Variants in BPIFB4 observed in about 807,000 individuals in gnomAD.
BPIFB4 encodes BPI fold containing family B member 4.
In BPIFB4, 62 loss-of-function variants were observed where a neutral mutation model predicts 69.2. The ratio of observed to expected loss-of-function variants is 0.90; its 90% CI spans 0.73 to 1.11. BPIFB4 has a LOEUF of 1.11. Ranked by LOEUF, BPIFB4 falls within the 50% of genes least tolerant of loss-of-function variation. The pLI, the probability that BPIFB4 is intolerant of heterozygous loss-of-function variation, is 0.00. For missense variants in BPIFB4, 789 were observed against 792.0 expected, an observed-to-expected ratio of 1.00 and a Z score of 0.04; for synonymous variants, 330 against 332.7, an observed-to-expected ratio of 0.99 and a Z score of 0.09.
intron 17 of BPIFB4, among the ~76,000 whole-genome samples, chr20:33,109,172 G>T (rs1033053933): frequency 6.6e-6 from 1 of 152,132 alleles, no homozygotes; most frequent in African/African-American, 2.4e-5. Flanking sequence ...AACGATAATG[G>T]CCACCTCATA....
chr20:33,106,678 C>T (rs11696783), intron 16 of BPIFB4, among the ~76,000 whole-genome samples: 33,702 of 151,982 alleles, frequency 0.22, 3,976 homozygotes, highest in Non-Finnish European at 0.28. Flanking sequence ...ATGTGGTGGG[C>T]GTGACAGATA....
intron 10 of BPIFB4, among the ~76,000 whole-genome samples, chr20:33,091,198 T>C (rs1981589351): frequency 6.6e-6 from 1 of 152,174 alleles, no homozygotes; most frequent in African/African-American, 2.4e-5. Flanking sequence ...TGCTGTGGGA[T>C]TGGGTGTACT....
In BPIFB4 at chr20:33,092,724, T is replaced by C. The variant is rs1446903276; in HGVS notation, c.1344+66T>C. Reference sequence around the variant, plus strand: ...GACAGCTGCCAGTGACCCTTCTCAGTCTCCACAGACTTGGGGAATTTGCTG... The same window carrying C: ...GACAGCTGCCAGTGACCCTTCTCAGCCTCCACAGACTTGGGGAATTTGCTG... On this transcript the variant is annotated intron_variant, in intron 11 of 17. Transcript: ENST00000375483. 3 of 1,455,688 alleles carry C rather than the reference T, an allele frequency of 2.1e-6. No individual in the cohort carries two copies. In the Admixed American group the frequency reaches 5.1e-5, roughly 25 times the overall value. 90.2% of individuals were successfully genotyped at this position (1,455,688 alleles called of 1,614,324 possible).
At chr20:33,084,839 A>C in intron 5 of BPIFB4, 53 bp from the exon 6 acceptor site, 1 of 1,581,906 alleles carries the variant, frequency 6.3e-7, no homozygotes. Flanking sequence ...CGCTCGGGTG[A>C]GTGGGTGGTA....
intron 3 of BPIFB4, 77 bp from the exon 4 acceptor site, chr20:33,082,861 C>T: frequency 7.0e-7 from 1 of 1,422,368 alleles, no homozygotes; most frequent in South Asian, 1.1e-5. Flanking sequence ...AGCTGAGCAA[C>T]ACTGCGAGGT....
intron 5 of BPIFB4, 50 bp downstream of exon 5, chr20:33,083,924 G>A (rs920423997): frequency 6.5e-7 from 1 of 1,532,456 alleles, no homozygotes; most frequent in East Asian, 2.3e-5. Context: ...ACCTCCAAAT[G>A]GGGGTGATCA....
intron 17 of BPIFB4, among the ~76,000 whole-genome samples, chr20:33,108,351 C>A (rs1235887686): frequency 1.3e-5 from 2 of 148,882 alleles, no homozygotes; most frequent in Non-Finnish European, 3.0e-5. Context: ...ATAAAAACCA[C>A]CCGTGCTCAA....
Position 33,092,548 on chromosome 20 carries a change from A to C in BPIFB4, c.1234A>C (p.Met412Leu). 1 of 1,614,112 alleles carries C rather than the reference A, an allele frequency of 6.2e-7. No homozygotes were observed. Among genetic ancestry groups the C allele is most frequent in the Non-Finnish European group, 8.5e-7 (1 of 1,179,994 alleles). The change falls in exon 11 of 18, where the codon ATG (methionine) becomes CTG (leucine). Residue 412 changes from methionine (M) to leucine (L), a missense_variant. Met to Leu is a conservative substitution (Grantham distance 15). Transcript: ENST00000375483. ...SPKPMPELPP[M>L]GDNTKSQLAM... Reference sequence around the variant, plus strand: ...CAAGCCGATGCCAGAGCTGCCTCCCATGGGTGACAACACCAAGTCCCAGCT... The same window carrying C: ...CAAGCCGATGCCAGAGCTGCCTCCCCTGGGTGACAACACCAAGTCCCAGCT...
chr20:33,111,255 G>C (rs1490152647), intron 17 of BPIFB4, among the ~76,000 whole-genome samples, 159 bp from the exon 18 acceptor site: 4 of 152,134 alleles, frequency 2.6e-5, no homozygotes, highest in African/African-American at 9.7e-5. Flanking sequence ...ATAATGACCT[G>C]GCCAGGTGCT....
chr20:33,082,084 G>A (rs1463197342), intron 3 of BPIFB4, among the ~76,000 whole-genome samples: 1 of 152,114 alleles, frequency 6.6e-6, no homozygotes, highest in East Asian at 1.9e-4. Flanking sequence ...CTCAAAAGTG[G>A]GAGCTATAAT....
chr20:33,081,123 A>AATGAGTAG (rs1202170969), intron 2 of BPIFB4, among the ~76,000 whole-genome samples: 2 of 152,184 alleles, frequency 1.3e-5, no homozygotes, highest in African/African-American at 4.8e-5. Context: ...GATGTAGAGG[A>AATGAGTAG]ATGAGTAGAT....
At chr20:33,084,859 G>A in intron 5 of BPIFB4, 33 bp from the exon 6 acceptor site, 5 of 1,596,278 alleles carry the variant, frequency 3.1e-6, no homozygotes, top group Non-Finnish European at 4.2e-6. Context: ...AGTTGGGGTG[G>A]CCGGCCTTCT....
intron 11 of BPIFB4, among the ~76,000 whole-genome samples, chr20:33,094,189 A>G (rs983653621): frequency 6.6e-6 from 1 of 152,184 alleles, no homozygotes; most frequent in African/African-American, 2.4e-5. Flanking sequence ...TTTTAAACTA[A>G]GAGAGAACAG....
At chr20:33,085,674 T>C (rs1981402077) in intron 6 of BPIFB4, among the ~76,000 whole-genome samples, 1 of 152,196 alleles carries the variant, frequency 6.6e-6, no homozygotes, top group Non-Finnish European at 1.5e-5. Flanking sequence ...GAATAGGGCC[T>C]TCCATGCACT....
At chr20:33,084,225 A>G (rs990608088) in intron 5 of BPIFB4, among the ~76,000 whole-genome samples, 1 of 152,234 alleles carries the variant, frequency 6.6e-6, no homozygotes, top group Non-Finnish European at 1.5e-5. Context: ...CATAAGTTCT[A>G]TGCTCAGCCT....
At chr20:33,105,137 T>A (rs150530948) in intron 16 of BPIFB4, among the ~76,000 whole-genome samples, 1 of 152,178 alleles carries the variant, frequency 6.6e-6, no homozygotes, top group Admixed American at 6.5e-5. Flanking sequence ...TAACATTGTG[T>A]GTGTGCAAGT....
Position 33,095,137 on chromosome 20 carries a change from G to T in BPIFB4, c.1382G>T (p.Gly461Val). Residue 461 changes from glycine to valine, a missense_variant, in exon 12 of 18, where the codon GGA (glycine) becomes GTA (valine). By Grantham distance (109) the Gly-to-Val change is moderately radical. Coordinates refer to ENST00000375483, the MANE Select transcript of BPIFB4 (RefSeq NM_182519.3). ...ELPPLTTATLGALIPKVFQQY... is the reference protein window; with the variant it reads ...ELPPLTTATLVALIPKVFQQY... ...CCTCCACTTACCACAGCCACACTGGGAGCCCTGATCCCCAAGGTATGTAAG... is the reference window on the plus strand; with the variant it reads ...CCTCCACTTACCACAGCCACACTGGTAGCCCTGATCCCCAAGGTATGTAAG... The T allele has an allele frequency of 6.2e-7, 1 of 1,612,516 alleles. No homozygotes were observed. Among genetic ancestry groups the T allele is most frequent in the South Asian group, 1.1e-5 (1 of 91,052 alleles).
Position 33,107,728 on chromosome 20 carries a change from G to A in BPIFB4, c.1745-16G>A. ...CTTGGACCACTGACCATGTCTGACT[G>A]TTTTTTATTTTACAGCTGTGCTGGG... is the stretch of plus-strand genomic sequence containing the variant. On this transcript the variant is annotated splice_polypyrimidine_tract_variant and intron_variant, in intron 16 of 17. Transcript: ENST00000375483. 19 of 1,609,454 alleles carry A rather than the reference G, an allele frequency of 1.2e-5. No individual in the cohort carries two copies. Among genetic ancestry groups the A allele is most frequent in the Non-Finnish European group, 1.6e-5 (19 of 1,175,870 alleles).
intron 7 of BPIFB4, among the ~76,000 whole-genome samples, chr20:33,086,489 C>T (rs1981434462): frequency 6.6e-6 from 1 of 152,224 alleles, no homozygotes; most frequent in Non-Finnish European, 1.5e-5. Context: ...CTGAGACTCA[C>T]ATCTCAGTTC....
Sources: allele counts gnomAD v4.1 joint callset (sites outside exome capture counted in the v4.1 genomes callset), GRCh38; gene constraint gnomAD v4.1.1; transcripts MANE v1.5; gene names NCBI Gene and HGNC (gene_info 2026-07-23, HGNC 2026-07-21).